The following COG6 variants were observed in gnomAD, a reference collection of about 807,000 sequenced individuals.
The protein encoded by COG6 is conserved oligomeric Golgi complex subunit 6.
In COG6, 74 loss-of-function variants were observed where a neutral mutation model predicts 88.8. That is an observed-to-expected ratio of 0.83 (90% CI 0.69 to 1.01). The LOEUF (loss-of-function observed/expected upper bound fraction) is 1.01, where lower values mean the gene tolerates loss of function less well. Among genes scored for constraint, COG6 ranks in the 50% least tolerant of loss-of-function variants. The pLI is 0.00. For missense variants in COG6, 800 were observed against 797.9 expected (o/e 1.00, Z -0.03); for synonymous variants, 286 against 278.7 (o/e 1.03, Z -0.26).
chr13:39,706,048 A>C (rs1824257973), intron 13 of COG6, among the ~76,000 whole-genome samples: 2 of 151,816 alleles, frequency 1.3e-5, no homozygotes, highest in Non-Finnish European at 2.9e-5. Flanking sequence ...AAATTATTTC[A>C]AACATGTTAG....
At chr13:39,755,247 C>T (rs866864554), downstream of COG6, among the ~76,000 whole-genome samples, 6 of 152,108 alleles carry the variant, frequency 3.9e-5, no homozygotes, top group Non-Finnish European at 5.9e-5. Flanking sequence ...TAACTTATGC[C>T]GTTTCCATAC....
At chr13:39,664,752 C>T (rs141804859) in intron 3 of COG6, among the ~76,000 whole-genome samples, 14 of 152,322 alleles carry the variant, frequency 9.2e-5, no homozygotes, top group African/African-American at 3.4e-4. Context: ...CATGGTATCT[C>T]AGTTCAACAC....
chr13:39,713,503 A>G (rs1391729914), intron 13 of COG6, among the ~76,000 whole-genome samples: 5 of 152,214 alleles, frequency 3.3e-5, no homozygotes, highest in African/African-American at 1.2e-4. Flanking sequence ...TGGGAGGTCA[A>G]GGCGGGTGGA....
intron 13 of COG6, among the ~76,000 whole-genome samples, chr13:39,710,974 G>T (rs1316269529): frequency 6.6e-6 from 1 of 151,570 alleles, no homozygotes; most frequent in Non-Finnish European, 1.5e-5. Flanking sequence ...TTTTGTTTAA[G>T]ATTACATTGG....
chr13:39,742,736 C>T (rs1880116535), intron 18 of COG6, among the ~76,000 whole-genome samples: 1 of 152,018 alleles, frequency 6.6e-6, no homozygotes, highest in South Asian at 2.1e-4. Context: ...CTTGAACTCA[C>T]CTCTACAGCA....
exon 19 of COG6, chr13:39,790,665 T>A (rs935107380): frequency 6.6e-6 from 1 of 152,144 alleles, no homozygotes; most frequent in Non-Finnish European, 1.5e-5. Flanking sequence ...GTAGAGTGAA[T>A]TAAAATATAT....
At chr13:39,773,235 TTTACAAACAC>T (rs1881368317) in intron 18 of COG6, among the ~76,000 whole-genome samples, 1 of 152,184 alleles carries the variant, frequency 6.6e-6, no homozygotes, top group South Asian at 2.1e-4. Flanking sequence ...ATTTGGGATA[TTTACAAACAC>T]TTATTTCTTA....
intron 13 of COG6, among the ~76,000 whole-genome samples, chr13:39,700,619 C>T (rs1877523487): frequency 6.6e-6 from 1 of 151,836 alleles, no homozygotes. Flanking sequence ...GATACACAAA[C>T]ATTAAACATG....
intron 13 of COG6, among the ~76,000 whole-genome samples, chr13:39,709,504 T>A (rs1334519050): frequency 6.6e-6 from 1 of 150,938 alleles, no homozygotes; most frequent in Non-Finnish European, 1.5e-5. Context: ...TGTCCATGTG[T>A]ACACATTATT....
chr13:39,761,837 T>A (rs191180925), intron 18 of COG6, among the ~76,000 whole-genome samples: 3 of 150,672 alleles, frequency 2.0e-5, no homozygotes, highest in South Asian at 2.1e-4. Flanking sequence ...TGAGATATTA[T>A]CTCATTTTGG....
chr13:39,725,418 G>T (rs556338326), intron 17 of COG6, among the ~76,000 whole-genome samples: 1 of 151,932 alleles, frequency 6.6e-6, no homozygotes, highest in African/African-American at 2.4e-5. Flanking sequence ...TACCACAATG[G>T]CCTGACTTTC....
exon 19 of COG6, chr13:39,788,451 A>G (rs1423948151): frequency 1.6e-6 from 2 of 1,234,900 alleles, no homozygotes; most frequent in Non-Finnish European, 2.3e-6. Context: ...GACTGGCTAT[A>G]GAAATGTGGC....
intron 18 of COG6, among the ~76,000 whole-genome samples, chr13:39,778,478 C>T (rs750614277): frequency 1.3e-5 from 2 of 152,144 alleles, no homozygotes; most frequent in Admixed American, 6.5e-5. Context: ...ACATGTATTG[C>T]CAGAATGTGA....
chr13:39,790,505 AAT>A (rs1427403562), exon 19 of COG6: 1 of 152,094 alleles, frequency 6.6e-6, no homozygotes, highest in African/African-American at 2.4e-5. Context: ...GTAACTTTTC[AAT>A]ATGTTTTAAT....
chr13:39,766,735 G>T (rs1230191744), intron 18 of COG6, among the ~76,000 whole-genome samples: 1 of 152,220 alleles, frequency 6.6e-6, no homozygotes, highest in Non-Finnish European at 1.5e-5. Context: ...AGAAGAAGCA[G>T]ATGGGGATCT....
At chr13:39,656,199 C>T (rs1010011693) in intron 1 of COG6, 24 of 529,502 alleles carry the variant, frequency 4.5e-5, no homozygotes, top group Non-Finnish European at 8.0e-5. Context: ...AGGCGTTTGG[C>T]TGTGTGAGCT....
rs1877992133 is a variant in COG6 at position 39,707,276 on chromosome 13, G to C, written c.1284+7658G>C. 2.0e-5 allele frequency among the ~76,000 whole-genome samples: 3 copies of C among 151,614 alleles called. No individual in the cohort carries two copies. The South Asian group carries it at 6.3e-4, about 32-fold the overall frequency. On this transcript the variant is annotated intron_variant, in intron 13 of 18. Transcript: ENST00000455146. ...CCTGAGTAGCTGGGACTACAGGCAT[G>C]CACCACCACACCCAGCTAATTTTTG...
chr13:39,720,188 T>C (rs1169183749), intron 15 of COG6, among the ~76,000 whole-genome samples: 1 of 152,144 alleles, frequency 6.6e-6, no homozygotes, highest in Admixed American at 6.6e-5. Flanking sequence ...AATAATATGC[T>C]ATATTTTTCA....
intron 16 of COG6, 35 bp downstream of exon 16, chr13:39,723,475 A>T (rs1310230456): frequency 1.6e-6 from 2 of 1,213,972 alleles, no homozygotes; most frequent in Non-Finnish European, 1.2e-6. Flanking sequence ...AATTCTAAGA[A>T]CATGCCAGTT....
Sources: gnomAD v4.1 joint callset for allele counts (sites outside exome capture counted in the v4.1 genomes callset) on GRCh38, gnomAD v4.1.1 for gene constraint, MANE v1.5 for transcripts, NCBI Gene and HGNC (gene_info 2026-07-23, HGNC 2026-07-21) for gene names.